TRPA1: variants seen among roughly 807,000 people sequenced by gnomAD.
TRPA1 encodes transient receptor potential cation channel subfamily A member 1.
Under a neutral mutation model 131.3 loss-of-function variants are expected in TRPA1, and 129 were observed. That is an observed-to-expected ratio of 0.98 (90% CI 0.85 to 1.14). The LOEUF (loss-of-function observed/expected upper bound fraction) is 1.14, where lower values mean the gene tolerates loss of function less well. Among genes scored for constraint, TRPA1 ranks in the 50% most tolerant of loss-of-function variants. The probability of loss-of-function intolerance (pLI) is 0.00; values close to 1 mark genes in which losing one functional copy is unlikely to be tolerated. For synonymous variants in TRPA1, 441 were observed against 451.7 expected (o/e 0.98, Z 0.30); for missense variants, 1,304 against 1,354.2 (o/e 0.96, Z 0.58).
intron 16 of TRPA1, 96 bp downstream of exon 16, chr8:72,047,052 G>A (rs2129434650): frequency 1.1e-6 from 1 of 915,364 alleles, no homozygotes; most frequent in Non-Finnish European, 1.7e-6. Context: ...AATACCATCT[G>A]CAGTAGATTA....
intron 24 of TRPA1, among the ~76,000 whole-genome samples, chr8:72,027,848 T>C (rs1038462371): frequency 2.6e-5 from 4 of 151,940 alleles, no homozygotes; most frequent in African/African-American, 9.7e-5. Context: ...AAACAAGGCA[T>C]AGAAAATATG....
Position 72,034,361 on chromosome 8 carries a change from T to G in TRPA1, c.2572A>C (p.Ile858Leu), listed in dbSNP as rs1431591926. 1 of 1,529,484 alleles carries G rather than the reference T, an allele frequency of 6.5e-7. No individual in the cohort carries two copies. The highest frequency in any genetic ancestry group is 9.0e-7 in the Non-Finnish European group (1 of 1,117,092). The allele number at this position is 1,529,484 out of a possible 1,614,324, so 94.7% of individuals were successfully genotyped here. A position where few individuals can be genotyped will look rare whatever the true frequency, so the allele number is the denominator to read the frequency against. ...LYLQRFENCG[I>L]FIVMLEVILK... Reference sequence around the variant, plus strand: ...ATTACCTCCAACATAACAATAAAAATTCCACAATTTTCAAATCTAGAAAAG... The same window carrying G: ...ATTACCTCCAACATAACAATAAAAAGTCCACAATTTTCAAATCTAGAAAAG... The change falls in exon 22 of 27, where the codon ATT becomes CTT. Residue 858 changes from isoleucine (I) to leucine (L), a missense_variant. Coordinates refer to ENST00000262209, the MANE Select transcript of TRPA1 (RefSeq NM_007332.3).
upstream of TRPA1, among the ~76,000 whole-genome samples, chr8:72,077,290 T>TGG (rs71265967): frequency 4.8e-4 from 64 of 133,014 alleles, no homozygotes; most frequent in African/African-American, 7.0e-4. Context: ...GTGACAGGGG[T>TGG]GGGGGGGGGG....
chr8:72,063,064 G>A (rs1039142672), intron 5 of TRPA1, 120 bp from the exon 6 acceptor site: 2 of 1,010,210 alleles, frequency 2.0e-6, no homozygotes, highest in Non-Finnish European at 2.9e-6. Context: ...ACACATAAAA[G>A]CTTGTGTTTA....
chr8:72,065,360 G>T, intron 4 of TRPA1, 91 bp downstream of exon 4: 6 of 1,222,410 alleles, frequency 4.9e-6, no homozygotes, highest in Non-Finnish European at 5.8e-6. Flanking sequence ...TTTCTAAGGA[G>T]AAAAACTTAA....
upstream of TRPA1, among the ~76,000 whole-genome samples, chr8:72,079,992 C>A (rs35685886): frequency 0.038 from 5,828 of 151,876 alleles, 373 homozygotes; most frequent in African/African-American, 0.13. Flanking sequence ...TTGAATTTTC[C>A]AAGTGATCTT....
At position 72,075,509 on chromosome 8, in the gene TRPA1, C is replaced by G; in HGVS notation, c.-100G>C. ...AGCCTGCCAGGCGCTGGGGTCCGCG[C>G]GAGCCCGAGCTCTCCCGCGCTGCAG... On this transcript the variant is annotated 5_prime_UTR_variant, in exon 1 of 27. Coordinates refer to ENST00000262209, the MANE Select transcript of TRPA1 (RefSeq NM_007332.3). 2.1e-6 allele frequency: 2 copies of G among 958,402 alleles called. No homozygotes were observed. The highest frequency in any genetic ancestry group is 2.6e-5 in the South Asian group (2 of 76,890). 59.4% of individuals were successfully genotyped at this position (958,402 alleles called of 1,614,324 possible).
intron 13 of TRPA1, chr8:72,053,047 G>T (rs1163770401): frequency 2.8e-6 from 1 of 357,118 alleles, no homozygotes; most frequent in South Asian, 2.6e-5. Flanking sequence ...GAGAGAGAAT[G>T]AATTCCAAGG....
intron 15 of TRPA1, among the ~76,000 whole-genome samples, chr8:72,050,102 C>A (rs957335366): frequency 1.3e-5 from 2 of 152,058 alleles, no homozygotes; most frequent in Non-Finnish European, 2.9e-5. Flanking sequence ...TCTCCCCCCA[C>A]CCCACGACAG....
chr8:72,065,780 G>GCAAT (rs1488615860), intron 3 of TRPA1, among the ~76,000 whole-genome samples: 5 of 152,056 alleles, frequency 3.3e-5, no homozygotes, highest in Non-Finnish European at 7.4e-5. Context: ...AACAATCAAG[G>GCAAT]CAATACTGAG....
chr8:72,026,372 G>A (rs545374052), intron 24 of TRPA1, among the ~76,000 whole-genome samples: 46 of 152,346 alleles, frequency 3.0e-4, no homozygotes, highest in South Asian at 1.4e-3. Context: ...TTCAGGGATA[G>A]TCACCCGATG....
Position 72,068,944 on chromosome 8 carries a change from T to C in TRPA1, c.444+79A>G, listed in dbSNP as rs1045876961. ...GAAGCTTAGAAGGTGCTCATCCTGG[T>C]GCAAGCAGAGAGAGCTGGATCTGGG... is the stretch of plus-strand genomic sequence containing the variant. On this transcript the variant is annotated intron_variant, in intron 3 of 26. Transcript: ENST00000262209. 7.4e-6 allele frequency: 11 copies of C among 1,489,596 alleles called. No homozygotes were observed. The South Asian group carries it at 1.0e-4, about 14-fold the overall frequency. The allele number at this position is 1,489,596 out of a possible 1,614,324, so 92.3% of individuals were successfully genotyped here. A position where few individuals can be genotyped will look rare whatever the true frequency, so the allele number is the denominator to read the frequency against.
chr8:72,026,895 C>A (rs1340505111), intron 24 of TRPA1, among the ~76,000 whole-genome samples: 1 of 152,142 alleles, frequency 6.6e-6, no homozygotes, highest in Non-Finnish European at 1.5e-5. Context: ...ACTTTCCTGA[C>A]ACCACTGCTT....
At chr8:72,023,644 T>A in intron 26 of TRPA1, 170 bp downstream of exon 26, 1 of 551,848 alleles carries the variant, frequency 1.8e-6, no homozygotes, top group East Asian at 3.1e-5. Context: ...GGCAAATATG[T>A]TGTTGGTTCT....
intron 1 of TRPA1, among the ~76,000 whole-genome samples, chr8:72,073,821 T>A (rs1424936453): frequency 1.3e-5 from 2 of 152,210 alleles, no homozygotes; most frequent in African/African-American, 4.8e-5. Context: ...ATTCCAGTGG[T>A]TGAAATCTAT....
Position 72,022,400 on chromosome 8 carries a change from G to T in TRPA1, c.*506C>A, listed in dbSNP as rs1811424730. 4.0e-6 allele frequency: 1 copy of T among 249,538 alleles called. No individual in the cohort carries two copies. The highest frequency in any genetic ancestry group is 7.8e-6 in the Non-Finnish European group (1 of 128,572). 15.5% of individuals were successfully genotyped at this position (249,538 alleles called of 1,614,324 possible). ...CAGTAGGGACAGAAAAGTCCACATG[G>T]TGCCACCCATAGGTTCTTTCAACAT... On this transcript the variant is annotated 3_prime_UTR_variant, in exon 27 of 27. Coordinates refer to ENST00000262209, the MANE Select transcript of TRPA1 (RefSeq NM_007332.3).
chr8:72,066,743 A>C (rs1415943200), intron 3 of TRPA1, among the ~76,000 whole-genome samples: 1 of 152,246 alleles, frequency 6.6e-6, no homozygotes, highest in Non-Finnish European at 1.5e-5. Context: ...AAAGTCTACA[A>C]GAAGAGGCTT....
chr8:72,053,790 G>C lies in TRPA1; in HGVS notation c.1607C>G (p.Thr536Ser), dbSNP rs766128988. Residue 536 changes from threonine to serine, a missense_variant, in exon 13 of 27, where the codon ACT (threonine) becomes AGT (serine). Coordinates refer to ENST00000262209, the MANE Select transcript of TRPA1 (RefSeq NM_007332.3). Reference sequence around the variant, plus strand: ...CAGGCGATCTGTGCACTTCAAATTAGTATCAAGAATGACCTTCATGGTCTG... The same window carrying C: ...CAGGCGATCTGTGCACTTCAAATTACTATCAAGAATGACCTTCATGGTCTG... ...YTQTMKVILD[T>S]NLKCTDRLDE... 1 of 1,612,622 alleles carries C rather than the reference G, an allele frequency of 6.2e-7. No homozygotes were observed. Among genetic ancestry groups the C allele is most frequent in the Non-Finnish European group, 8.5e-7 (1 of 1,179,824 alleles).
chr8:72,047,978 TG>T (rs1805389740), intron 15 of TRPA1, among the ~76,000 whole-genome samples: 1 of 151,934 alleles, frequency 6.6e-6, no homozygotes, highest in South Asian at 2.1e-4. Context: ...TGCCCCAGTC[TG>T]GAGTAATGTG....
Sources: gnomAD v4.1 joint callset for allele counts (sites outside exome capture counted in the v4.1 genomes callset) on GRCh38, gnomAD v4.1.1 for gene constraint, MANE v1.5 for transcripts, NCBI Gene and HGNC (gene_info 2026-07-23, HGNC 2026-07-21) for gene names.